TMEM232: variants seen among roughly 807,000 people sequenced by gnomAD.
The protein encoded by TMEM232 is transmembrane protein 232.
In TMEM232, 80 loss-of-function variants were observed where a neutral mutation model predicts 78.8. The ratio of observed to expected loss-of-function variants is 1.01; its 90% CI spans 0.85 to 1.22. The LOEUF is 1.22. Among genes scored for constraint, TMEM232 ranks in the 50% most tolerant of loss-of-function variants. The probability of loss-of-function intolerance (pLI) is 0.00; values close to 1 mark genes in which losing one functional copy is unlikely to be tolerated. For missense variants in TMEM232, 881 were observed against 742.2 expected, an observed-to-expected ratio of 1.19 and a Z score of -2.17; for synonymous variants, 297 against 254.3, an observed-to-expected ratio of 1.17 and a Z score of -1.60.
chr5:110,610,240 A>AAGGAAGGGAGGAAGGG (rs61635086), intron 8 of TMEM232, among the ~76,000 whole-genome samples: 1,318 of 70,140 alleles, frequency 0.019, 172 homozygotes, highest in African/African-American at 0.045. Context: ...AAAAGAAAGG[A>AAGGAAGGGAGGAAGGG]AGGAAGGGAG....
In TMEM232 at chr5:110,568,588, C is replaced by T; in HGVS notation, c.1314G>A (p.Val438=). The part of the protein sequence containing the change: ...QVVWTGYYGL[V]YNLVKISWEL... ...CCCATGAAATTTTCACCAGGTTATA[C>T]ACTAAGCCATAGTAACCAGTCCAGA... Residue 438 remains valine, a synonymous_variant, in exon 11 of 14, where the codon GTG becomes GTA. Coordinates refer to ENST00000455884, the MANE Select transcript of TMEM232 (RefSeq NM_001039763.4). The T allele has an allele frequency of 6.5e-7, 1 of 1,549,196 alleles. No homozygotes were observed. The highest frequency in any genetic ancestry group is 8.7e-7 in the Non-Finnish European group (1 of 1,145,700).
chr5:110,393,545 G>A (rs1354232282), intron 3 of TMEM232, among the ~76,000 whole-genome samples: 1 of 152,014 alleles, frequency 6.6e-6, no homozygotes, highest in Non-Finnish European at 1.5e-5. Flanking sequence ...ACTAACTATA[G>A]ATAGCATATA....
chr5:110,446,892 G>A (rs1580715453), intron 12 of TMEM232, among the ~76,000 whole-genome samples: 1 of 151,810 alleles, frequency 6.6e-6, no homozygotes, highest in South Asian at 2.1e-4. Flanking sequence ...AAAATTCTGG[G>A]TATAACCCAG....
intron 12 of TMEM232, among the ~76,000 whole-genome samples, chr5:110,490,139 AAG>A (rs1491110027): frequency 8.8e-6 from 1 of 113,044 alleles, no homozygotes; most frequent in Non-Finnish European, 1.7e-5. Flanking sequence ...GAAAGAAAGA[AAG>A]AAAGAAAGAA....
chr5:110,705,087 TATCTACAGGTAACTTCTACCC>T (rs1164776733), intron 1 of TMEM232, among the ~76,000 whole-genome samples: 1 of 152,152 alleles, frequency 6.6e-6, no homozygotes, highest in Non-Finnish European at 1.5e-5. Context: ...AACTAAACTA[TATCTACAGGTAACTTCTACCC>T]ATCTCACCTG....
At chr5:110,735,213 T>A (rs1435338829) in intron 1 of TMEM232, among the ~76,000 whole-genome samples, 1 of 152,256 alleles carries the variant, frequency 6.6e-6, no homozygotes, top group Non-Finnish European at 1.5e-5. Flanking sequence ...ATGAATGACT[T>A]GCTTGCTCTG....
intron 10 of TMEM232, among the ~76,000 whole-genome samples, chr5:110,585,092 C>G (rs1163363559): frequency 6.6e-6 from 1 of 152,050 alleles, no homozygotes; most frequent in Admixed American, 6.6e-5. Flanking sequence ...AAGGACGATT[C>G]CCATAAGATT....
At chr5:110,689,109 T>C (rs533523429) in intron 1 of TMEM232, among the ~76,000 whole-genome samples, 2 of 152,252 alleles carry the variant, frequency 1.3e-5, no homozygotes, top group Admixed American at 6.5e-5. Context: ...GAGAAAGGCA[T>C]AGACCTGTAT....
intron 12 of TMEM232, among the ~76,000 whole-genome samples, chr5:110,479,951 G>C (rs1048709583): frequency 6.7e-6 from 1 of 149,408 alleles, no homozygotes; most frequent in Non-Finnish European, 1.5e-5. Context: ...ATTCAGCAGA[G>C]AAAAAAATAC....
intron 11 of TMEM232, among the ~76,000 whole-genome samples, chr5:110,565,196 ATT>A (rs1292754657): frequency 6.6e-6 from 1 of 151,972 alleles, no homozygotes; most frequent in Non-Finnish European, 1.5e-5. Context: ...CTCTAGGGAT[ATT>A]GAGAAGTAAT....
At chr5:110,389,759 C>T (rs974696656) in intron 4 of TMEM232, among the ~76,000 whole-genome samples, 3 of 152,178 alleles carry the variant, frequency 2.0e-5, no homozygotes, top group Non-Finnish European at 2.9e-5. Flanking sequence ...TACCATGTTT[C>T]CACTGGAGCT....
intron 12 of TMEM232, among the ~76,000 whole-genome samples, chr5:110,522,787 T>C (rs1769741359): frequency 6.6e-6 from 1 of 152,170 alleles, no homozygotes; most frequent in Non-Finnish European, 1.5e-5. Flanking sequence ...GATGTATGAT[T>C]ATTTTAAGAT....
At chr5:110,577,026 G>A (rs553028905) in intron 10 of TMEM232, among the ~76,000 whole-genome samples, 1 of 152,156 alleles carries the variant, frequency 6.6e-6, no homozygotes, top group Admixed American at 6.6e-5. Flanking sequence ...AGCAAAACTT[G>A]AGAAATGGAA....
At chr5:110,436,495 C>T (rs767599998) in intron 12 of TMEM232, among the ~76,000 whole-genome samples, 1 of 151,954 alleles carries the variant, frequency 6.6e-6, no homozygotes, top group Non-Finnish European at 1.5e-5. Context: ...CTTTGGTTGC[C>T]TGTGCTTGTG....
intron 11 of TMEM232, among the ~76,000 whole-genome samples, chr5:110,547,006 T>C (rs1205193351): frequency 1.3e-5 from 2 of 151,988 alleles, no homozygotes; most frequent in African/African-American, 4.8e-5. Flanking sequence ...AAATGTATTA[T>C]GCTCAAGTTT....
chr5:110,462,541 C>T (rs1374173101), intron 12 of TMEM232, among the ~76,000 whole-genome samples: 3 of 152,254 alleles, frequency 2.0e-5, no homozygotes, highest in South Asian at 4.2e-4. Flanking sequence ...TTCCTGCCCT[C>T]GAACATCAGA....
chr5:110,547,706 A>G (rs1246427914), intron 11 of TMEM232, among the ~76,000 whole-genome samples: 2 of 152,092 alleles, frequency 1.3e-5, no homozygotes, highest in Admixed American at 1.3e-4. Context: ...AATTAAATAA[A>G]AAGCTTCTCA....
intron 1 of TMEM232, among the ~76,000 whole-genome samples, chr5:110,737,262 TTAAA>T (rs1799273922): frequency 6.6e-6 from 1 of 150,884 alleles, no homozygotes; most frequent in African/African-American, 2.4e-5. Context: ...GATATACACT[TTAAA>T]TAATAAATTA....
chr5:110,613,350 A>G (rs541852865), intron 8 of TMEM232, among the ~76,000 whole-genome samples: 31 of 152,314 alleles, frequency 2.0e-4, no homozygotes, highest in Admixed American at 7.2e-4. Context: ...TGGGCATATG[A>G]GTACATTTCA....
Sources: gnomAD v4.1 joint callset for allele counts (sites outside exome capture counted in the v4.1 genomes callset) on GRCh38, gnomAD v4.1.1 for gene constraint, MANE v1.5 for transcripts, NCBI Gene and HGNC (gene_info 2026-07-23, HGNC 2026-07-21) for gene names.